Variants in RUNX2 observed in about 807,000 individuals in gnomAD.
The protein encoded by RUNX2 is RUNX family transcription factor 2, also known as runt-related transcription factor 2.
A neutral mutation model predicts 51.7 loss-of-function variants in RUNX2; 10 were observed. That is an observed-to-expected ratio of 0.19 (90% confidence interval 0.12 to 0.33). The LOEUF (loss-of-function observed/expected upper bound fraction) is 0.33, where lower values mean the gene tolerates loss of function less well. Among genes scored for constraint, RUNX2 ranks in the 10% least tolerant of loss-of-function variants. RUNX2 has a pLI of 1.00. For missense variants in RUNX2, 562 were observed against 691.3 expected, an observed-to-expected ratio of 0.81 and a Z score of 2.10; for synonymous variants, 276 against 273.6, an observed-to-expected ratio of 1.01 and a Z score of -0.09.
chr6:45,377,786 TGGA>T lies in RUNX2; in HGVS notation c.59-44804_59-44802del, dbSNP rs1797037475. On this transcript the variant is annotated intron_variant, in intron 2 of 8. Transcript: ENST00000647337. The stretch of plus-strand genomic sequence containing the variant: ...CTACAACCTCTGCTTTAAGAACCCT[TGGA>T]GGCACTGCTGCGCTTCCCGCGAGGA... 4 of 152,736 alleles carry T rather than the reference TGGA, an allele frequency of 2.6e-5. 1 individual carries two copies. The highest frequency in any genetic ancestry group is 2.6e-4 in the Admixed American group (4 of 15,308). The allele number at this position is 152,736 out of a possible 1,614,324, so 9.5% of individuals were successfully genotyped here.
intron 2 of RUNX2, among the ~76,000 whole-genome samples, chr6:45,386,200 T>C (rs1797345461): frequency 1.3e-5 from 2 of 151,958 alleles, no homozygotes; most frequent in Admixed American, 1.3e-4. Context: ...CCCTAGTAGC[T>C]GGGATTATAG....
chr6:45,438,728 G>A lies in RUNX2; in HGVS notation c.685+677G>A, dbSNP rs539940575. On this transcript the variant is annotated intron_variant, in intron 5 of 8. Transcript: ENST00000647337. ...GCACATAATCTACTTGGGCCAATAT[G>A]TATGTTCCTTCTAAATCTAAAATGA... 4.6e-5 allele frequency among the ~76,000 whole-genome samples: 7 copies of A among 152,268 alleles called. No homozygotes were observed. In the South Asian group the frequency reaches 1.5e-3, roughly 32 times the overall value.
rs115078186 is a variant in RUNX2, at chr6:45,549,164, A to G, written c.*1859A>G. The G allele has an allele frequency of 3.7e-3, 1,463 of 398,506 alleles. 21 individuals carry two copies. The highest frequency in any genetic ancestry group is 0.027 in the African/African-American group (1,296 of 48,686). 24.7% of individuals were successfully genotyped at this position (398,506 alleles called of 1,614,324 possible). ...CCAAGTGCAAATCCTTAATCCAAAC[A>G]AGGATCATCTAATGACACCACCAGG... On this transcript the variant is annotated 3_prime_UTR_variant, in exon 9 of 9. Transcript: ENST00000647337.
In RUNX2 at chr6:45,454,689, T is replaced by G. The variant is rs1799270654; in HGVS notation, c.685+16638T>G. Among the ~76,000 whole-genome samples, 5 of 152,210 alleles carry G rather than the reference T, an allele frequency of 3.3e-5. No individual in the cohort carries two copies. The South Asian group carries it at 1.0e-3, about 32-fold the overall frequency. On this transcript the variant is annotated intron_variant, in intron 5 of 8. Coordinates refer to ENST00000647337, the MANE Select transcript of RUNX2 (RefSeq NM_001024630.4). The stretch of plus-strand genomic sequence containing the variant: ...ATGTAGGTATTTATCTATGTATGTG[T>G]GTGTGTATGTACTTTTGTTACAGCA...
intron 2 of RUNX2, among the ~76,000 whole-genome samples, chr6:45,413,835 C>T (rs1798006289): frequency 6.6e-6 from 1 of 152,078 alleles, no homozygotes; most frequent in South Asian, 2.1e-4. Context: ...GCAAGGAAGC[C>T]TGAAATCACT....
chr6:45,458,207 A>G (rs899999866), intron 5 of RUNX2, among the ~76,000 whole-genome samples: 4 of 152,070 alleles, frequency 2.6e-5, no homozygotes, highest in Non-Finnish European at 1.5e-5. Context: ...TTGTATTTTT[A>G]GTAGGGACGG....
chr6:45,357,881 G>A (rs1053556778), intron 2 of RUNX2, among the ~76,000 whole-genome samples: 10 of 151,992 alleles, frequency 6.6e-5, no homozygotes, highest in Non-Finnish European at 1.5e-4. Flanking sequence ...GGATTTTTCA[G>A]AAAGACTAAG....
At chr6:45,426,422 C>T (rs749265064) in intron 3 of RUNX2, among the ~76,000 whole-genome samples, 14 of 152,104 alleles carry the variant, frequency 9.2e-5, no homozygotes, top group Non-Finnish European at 1.6e-4. Flanking sequence ...GGTCAGGTAA[C>T]GGTGGAGAGA....
intron 2 of RUNX2, among the ~76,000 whole-genome samples, chr6:45,329,298 C>T (rs1173078319): frequency 6.6e-6 from 1 of 151,900 alleles, no homozygotes; most frequent in African/African-American, 2.4e-5. Context: ...ACCAGCTCAA[C>T]TAAAAGAAAT....
chr6:45,525,449 C>T (rs1054426328), intron 7 of RUNX2, among the ~76,000 whole-genome samples: 3 of 152,280 alleles, frequency 2.0e-5, no homozygotes, highest in Admixed American at 2.0e-4. Flanking sequence ...TTCATAGCAT[C>T]GTTGACAGTG....
At chr6:45,422,286 C>A in intron 2 of RUNX2, 1 of 368,748 alleles carries the variant, frequency 2.7e-6, no homozygotes. Context: ...AACACACCCC[C>A]GCGCCCGTTC....
intron 7 of RUNX2, among the ~76,000 whole-genome samples, chr6:45,522,734 A>T (rs1238900292): frequency 6.6e-6 from 1 of 152,210 alleles, no homozygotes; most frequent in African/African-American, 2.4e-5. Context: ...TCCTACTCCG[A>T]TGCTCAGCAT....
intron 2 of RUNX2, among the ~76,000 whole-genome samples, chr6:45,411,535 G>C (rs1412349687): frequency 6.6e-6 from 1 of 152,102 alleles, no homozygotes; most frequent in Non-Finnish European, 1.5e-5. Context: ...AATTTTCAAG[G>C]CTAATGTAAG....
chr6:45,374,272 CA>C (rs1319012269), intron 2 of RUNX2, among the ~76,000 whole-genome samples: 1 of 152,200 alleles, frequency 6.6e-6, no homozygotes, highest in African/African-American at 2.4e-5. Context: ...ACATTATTAT[CA>C]CTTCTAGATT....
intron 2 of RUNX2, among the ~76,000 whole-genome samples, chr6:45,387,416 T>G (rs908536510): frequency 2.0e-5 from 3 of 152,224 alleles, no homozygotes; most frequent in East Asian, 3.8e-4. Flanking sequence ...ATAACTCACA[T>G]GCGACACACA....
At chr6:45,505,467 G>T (rs1017919842) in intron 6 of RUNX2, among the ~76,000 whole-genome samples, 4 of 151,042 alleles carry the variant, frequency 2.6e-5, no homozygotes, top group African/African-American at 9.8e-5. Context: ...TCATTTGAAA[G>T]TATGGAGACT....
intron 5 of RUNX2, among the ~76,000 whole-genome samples, chr6:45,489,155 A>G (rs978562421): frequency 2.6e-5 from 4 of 152,194 alleles, no homozygotes; most frequent in Non-Finnish European, 5.9e-5. Flanking sequence ...GCAGATATCT[A>G]CAAAGAAAAA....
chr6:45,393,964 A>T (rs139952810), intron 2 of RUNX2, among the ~76,000 whole-genome samples: 1 of 147,532 alleles, frequency 6.8e-6, no homozygotes, highest in East Asian at 2.0e-4. Flanking sequence ...CACTCTGCCC[A>T]GGCGTGATCT....
chr6:45,349,568 G>T (rs1455747585), intron 2 of RUNX2, among the ~76,000 whole-genome samples: 4 of 152,164 alleles, frequency 2.6e-5, no homozygotes, highest in Non-Finnish European at 4.4e-5. Context: ...GCAGTTTAAT[G>T]GTTCAGCAAG....
Sources: gnomAD v4.1 joint callset for allele counts (sites outside exome capture counted in the v4.1 genomes callset) on GRCh38, gnomAD v4.1.1 for gene constraint, MANE v1.5 for transcripts, NCBI Gene and HGNC (gene_info 2026-07-23, HGNC 2026-07-21) for gene names.